The following RIPOR2 variants were observed in gnomAD, a reference collection of about 807,000 sequenced individuals.
RIPOR2 encodes RHO family interacting cell polarization regulator 2.
In RIPOR2, 39 loss-of-function variants were observed where a neutral mutation model predicts 114.5. The observed-to-expected ratio is 0.34, with a 90% CI of 0.26 to 0.44. RIPOR2 has a LOEUF of 0.44. Ranked by LOEUF, RIPOR2 falls within the 20% of genes least tolerant of loss-of-function variation. RIPOR2 has a pLI of 1.00. For synonymous variants in RIPOR2, 445 were observed against 484.4 expected (o/e 0.92, Z 1.07); for missense variants, 1,007 against 1,255.1 (o/e 0.80, Z 2.99).
At chr6:24,924,258 C>T (rs1212632688) in intron 1 of RIPOR2, among the ~76,000 whole-genome samples, 2 of 152,098 alleles carry the variant, frequency 1.3e-5, no homozygotes, top group Non-Finnish European at 2.9e-5. Flanking sequence ...TTGGGACTTG[C>T]GTGTGTGTAA....
intron 15 of RIPOR2, 21 bp from the exon 16 acceptor site, chr6:24,832,412 C>A: frequency 6.4e-7 from 1 of 1,551,200 alleles, no homozygotes; most frequent in Non-Finnish European, 8.7e-7. Flanking sequence ...AAACAAAACT[C>A]CTGTTTCAAT....
intron 15 of RIPOR2, among the ~76,000 whole-genome samples, chr6:24,834,769 C>T (rs1015109480): frequency 3.9e-5 from 6 of 152,126 alleles, no homozygotes; most frequent in African/African-American, 9.7e-5. Flanking sequence ...GACCATAGGC[C>T]TGTGCCACCA....
intron 1 of RIPOR2, among the ~76,000 whole-genome samples, chr6:25,000,172 C>T (rs1581932830): frequency 6.6e-6 from 1 of 152,192 alleles, no homozygotes; most frequent in South Asian, 2.1e-4. Flanking sequence ...TGTCTTTTCA[C>T]CTGGACAACT....
At chr6:24,899,513 A>G (rs1271577839) in intron 1 of RIPOR2, among the ~76,000 whole-genome samples, 1 of 152,200 alleles carries the variant, frequency 6.6e-6, no homozygotes, top group Non-Finnish European at 1.5e-5. Flanking sequence ...ATCTTTTCTG[A>G]TAGAGAGATA....
At chr6:24,986,013 T>C (rs1774514160) in intron 1 of RIPOR2, among the ~76,000 whole-genome samples, 1 of 152,162 alleles carries the variant, frequency 6.6e-6, no homozygotes, top group African/African-American at 2.4e-5. Flanking sequence ...GTCTTGATAA[T>C]GGTTCAGTGT....
intron 1 of RIPOR2, among the ~76,000 whole-genome samples, chr6:25,040,344 C>A (rs1042369529): frequency 3.3e-5 from 5 of 151,558 alleles, no homozygotes; most frequent in Non-Finnish European, 7.4e-5. Flanking sequence ...TTCAACTCCT[C>A]ACCTCAGGTG....
At chr6:24,820,992 C>T (rs986493693) in intron 19 of RIPOR2, among the ~76,000 whole-genome samples, 2 of 148,888 alleles carry the variant, frequency 1.3e-5, no homozygotes, top group Admixed American at 1.4e-4. Flanking sequence ...CCCACCTTAG[C>T]CTCCTGAGTA....
At chr6:24,830,733 T>C in intron 16 of RIPOR2, 63 bp from the exon 17 acceptor site, 5 of 1,473,328 alleles carry the variant, frequency 3.4e-6, no homozygotes, top group Non-Finnish European at 4.5e-6. Flanking sequence ...TTTATTTTTT[T>C]GAGACAGAGT....
In RIPOR2 at chr6:24,985,933, TA is replaced by T. The variant is rs377422998; in HGVS notation, c.76+55917del. ...AAGGTACTGAAAACAGGGTGAAATA[TA>T]ATAGTACAAGTGACAACATCCTGCA... On this transcript the variant is annotated intron_variant, in intron 1 of 13. Coordinates refer to the RIPOR2 transcript ENST00000510784. Among the ~76,000 whole-genome samples the T allele has an allele frequency of 4.1e-4, 63 of 152,272 alleles. No homozygotes were observed. The East Asian group carries it at 0.012, about 29-fold the overall frequency.
upstream of RIPOR2, among the ~76,000 whole-genome samples, chr6:24,937,824 C>T (rs1327324471): frequency 6.6e-6 from 1 of 152,160 alleles, no homozygotes; most frequent in Non-Finnish European, 1.5e-5. Context: ...CCAGAGCTCA[C>T]TCTGTTACCT....
chr6:24,848,788 C>T lies in RIPOR2; in HGVS notation c.1035-634G>A, dbSNP rs144826053. Among the ~76,000 whole-genome samples, 107 of 152,324 alleles carry T rather than the reference C, an allele frequency of 7.0e-4. 1 individual carries two copies. Among genetic ancestry groups the T allele is most frequent in the African/African-American group, 2.5e-3 (102 of 41,578 alleles). ...TGATGACAAAGCAAGAGTGTCTTTGCTGCTTCTACACCTGGCTTTCCATAT... is the reference window on the plus strand; with the variant it reads ...TGATGACAAAGCAAGAGTGTCTTTGTTGCTTCTACACCTGGCTTTCCATAT... On this transcript the variant is annotated intron_variant, in intron 11 of 21. Transcript: ENST00000643898.
At chr6:24,830,717 T>C (rs1760607517) in intron 16 of RIPOR2, 47 bp from the exon 17 acceptor site, 1 of 1,505,340 alleles carries the variant, frequency 6.6e-7, no homozygotes, top group Non-Finnish European at 8.9e-7. Flanking sequence ...TTTTATTTTA[T>C]TTTATTTTAT....
chr6:24,969,278 A>G (rs990167486), intron 1 of RIPOR2, among the ~76,000 whole-genome samples: 1 of 152,186 alleles, frequency 6.6e-6, no homozygotes, highest in Non-Finnish European at 1.5e-5. Flanking sequence ...TCCAAGGAAC[A>G]GCAATATCTG....
intron 1 of RIPOR2, among the ~76,000 whole-genome samples, chr6:24,967,909 C>CCTTTTTTTTTTTTTTTT (rs1561814337): frequency 1.6e-5 from 2 of 123,518 alleles, no homozygotes. Flanking sequence ...AGATCTCAAT[C>CCTTTTTTTTTTTTTTTT]TTTTTTTTTT....
At chr6:24,830,259 C>G (rs1268792085) in intron 17 of RIPOR2, among the ~76,000 whole-genome samples, 1 of 152,162 alleles carries the variant, frequency 6.6e-6, no homozygotes, top group Non-Finnish European at 1.5e-5. Flanking sequence ...AGCCACTGCG[C>G]CTGGCCAAAA....
chr6:25,020,205 G>A (rs1019318314), intron 1 of RIPOR2, among the ~76,000 whole-genome samples: 1 of 152,154 alleles, frequency 6.6e-6, no homozygotes, highest in African/African-American at 2.4e-5. Flanking sequence ...AATAAACCAA[G>A]TAAGTCATTT....
chr6:24,987,218 G>C (rs1215275271), intron 1 of RIPOR2, among the ~76,000 whole-genome samples: 1 of 152,194 alleles, frequency 6.6e-6, no homozygotes, highest in Non-Finnish European at 1.5e-5. Flanking sequence ...GGACAAGTGT[G>C]GCTTGGTGGA....
intron 1 of RIPOR2, among the ~76,000 whole-genome samples, chr6:25,003,423 TATC>T (rs201922956): frequency 1.5e-4 from 21 of 137,796 alleles, no homozygotes; most frequent in African/African-American, 5.3e-4. Flanking sequence ...TTATTATTAT[TATC>T]ATCTCCTTTT....
At chr6:24,821,329 T>G (rs9379696) in intron 19 of RIPOR2, among the ~76,000 whole-genome samples, 64,946 of 151,562 alleles carry the variant, frequency 0.43, 15,369 homozygotes, top group Non-Finnish European at 0.54. Flanking sequence ...ATTACAGGCA[T>G]GCTCCACCAT....
Sources: gnomAD v4.1 joint callset for allele counts (sites outside exome capture counted in the v4.1 genomes callset) on GRCh38, gnomAD v4.1.1 for gene constraint, MANE v1.5 for transcripts, NCBI Gene and HGNC (gene_info 2026-07-23, HGNC 2026-07-21) for gene names.